The following FBXW2 variants were observed in gnomAD, a reference collection of about 807,000 sequenced individuals.
FBXW2 encodes F-box/WD repeat-containing protein 2.
FBXW2 carries 12 observed loss-of-function variants against 46.0 expected under a neutral mutation model. The ratio of observed to expected loss-of-function variants is 0.26; its 90% CI spans 0.17 to 0.42. FBXW2 has a LOEUF of 0.42. Ranked by LOEUF, FBXW2 falls within the 10% of genes least tolerant of loss-of-function variation. The probability of loss-of-function intolerance (pLI) is 1.00; values close to 1 mark genes in which losing one functional copy is unlikely to be tolerated. For missense variants in FBXW2, 360 were observed against 537.0 expected, an observed-to-expected ratio of 0.67 and a Z score of 3.26; for synonymous variants, 203 against 209.6, an observed-to-expected ratio of 0.97 and a Z score of 0.27.
chr9:120,778,616 A>G, intron 3 of FBXW2, 71 bp from the exon 4 acceptor site: 2 of 1,328,298 alleles, frequency 1.5e-6, no homozygotes, highest in Non-Finnish European at 2.1e-6. Flanking sequence ...TCCCAAAATC[A>G]TGGTGTTCTT....
chr9:120,771,365 G>A lies in FBXW2; in HGVS notation c.1059C>T (p.Ala353=), dbSNP rs764479734. 3 of 1,610,386 alleles carry A rather than the reference G, an allele frequency of 1.9e-6. No individual in the cohort carries two copies. Among genetic ancestry groups the A allele is most frequent in the Non-Finnish European group, 2.5e-6 (3 of 1,178,990 alleles). Residue 353 remains alanine, a synonymous_variant, in exon 7 of 8, where the codon GCC becomes GCT. Coordinates refer to ENST00000608872, the MANE Select transcript of FBXW2 (RefSeq NM_012164.4). ...AACATTACCTGAGAATATCATAACT[G>A]GCAAAGTCCCACTGGTAGAGACCAA... ...SALGLYQWDF[A]SYDILRVIKT...
intron 3 of FBXW2, among the ~76,000 whole-genome samples, chr9:120,781,753 T>C (rs1406942350): frequency 6.6e-6 from 1 of 151,932 alleles, no homozygotes; most frequent in Non-Finnish European, 1.5e-5. Flanking sequence ...CCGGGTGTGG[T>C]GGCTCACACC....
At chr9:120,766,437 T>C (rs1423686648) in intron 7 of FBXW2, among the ~76,000 whole-genome samples, 1 of 152,196 alleles carries the variant, frequency 6.6e-6, no homozygotes, top group Non-Finnish European at 1.5e-5. Flanking sequence ...CCGAACTTCA[T>C]AATTAACATG....
intron 2 of FBXW2, among the ~76,000 whole-genome samples, chr9:120,789,785 CA>C (rs1390183160): frequency 6.6e-6 from 1 of 152,132 alleles, no homozygotes; most frequent in African/African-American, 2.4e-5. Flanking sequence ...TCAAATTTGG[CA>C]ATAACATTCT....
rs982128382 is a variant in FBXW2, at chr9:120,758,844, T to C, written c.*5715A>G. The stretch of plus-strand genomic sequence containing the variant: ...AGAACTCATGCAAAGATGTGCTGGA[T>C]AGACACATCCTTGGGCAAAAGAGAG... On this transcript the variant is annotated 3_prime_UTR_variant, in exon 8 of 8. Coordinates refer to ENST00000608872, the MANE Select transcript of FBXW2 (RefSeq NM_012164.4). The C allele has an allele frequency of 2.6e-5, 4 of 152,226 alleles. No homozygotes were observed. Among genetic ancestry groups the C allele is most frequent in the South Asian group, 2.1e-4 (1 of 4,834 alleles). 9.4% of individuals were successfully genotyped at this position (152,226 alleles called of 1,614,324 possible).
intron 2 of FBXW2, among the ~76,000 whole-genome samples, chr9:120,788,490 A>T (rs1434781944): frequency 6.6e-6 from 1 of 152,254 alleles, no homozygotes; most frequent in East Asian, 1.9e-4. Flanking sequence ...ATACTTTAAC[A>T]AATCATGAAT....
At chr9:120,771,572 T>C (rs2044375316) in intron 6 of FBXW2, 55 bp from the exon 7 acceptor site, 7 of 1,503,084 alleles carry the variant, frequency 4.7e-6, no homozygotes, top group South Asian at 1.2e-5. Flanking sequence ...ACAGAAAAGC[T>C]TGTCCTTAAA....
chr9:120,777,442 A>T (rs943898211), intron 4 of FBXW2, among the ~76,000 whole-genome samples: 3 of 152,258 alleles, frequency 2.0e-5, no homozygotes, highest in African/African-American at 4.8e-5. Flanking sequence ...AACAAGACAG[A>T]TAAGATCACT....
intron 7 of FBXW2, among the ~76,000 whole-genome samples, chr9:120,770,604 GCATTT>G (rs1224354575): frequency 6.6e-6 from 1 of 152,132 alleles, no homozygotes; most frequent in Non-Finnish European, 1.5e-5. Flanking sequence ...CTCATCACAA[GCATTT>G]CATTTAATAG....
At chr9:120,790,859 G>A (rs543291697) in intron 2 of FBXW2, among the ~76,000 whole-genome samples, 6 of 151,936 alleles carry the variant, frequency 3.9e-5, no homozygotes, top group African/African-American at 7.3e-5. Flanking sequence ...CCATGACACC[G>A]CTAAAGATTA....
intron 7 of FBXW2, among the ~76,000 whole-genome samples, chr9:120,767,847 T>C (rs558317861): frequency 1.5e-4 from 23 of 152,350 alleles, no homozygotes; most frequent in African/African-American, 4.1e-4. Context: ...TTTTATGCCC[T>C]AAATTTTTCT....
rs976755798 is a variant in FBXW2, at chr9:120,759,411, T to C, written c.*5148A>G. The C allele has an allele frequency of 6.6e-6, 1 of 152,228 alleles. No individual in the cohort carries two copies. Among genetic ancestry groups the C allele is most frequent in the Non-Finnish European group, 1.5e-5 (1 of 68,034 alleles). 9.4% of individuals were successfully genotyped at this position (152,228 alleles called of 1,614,324 possible). ...ATCTTGTTCCACAATCACCCCACTA[T>C]TTGCTTAAGCAACCTCTTCTTCCCC... On this transcript the variant is annotated 3_prime_UTR_variant, in exon 8 of 8. Transcript: ENST00000608872.
At chr9:120,787,607 G>A (rs888354811) in intron 3 of FBXW2, among the ~76,000 whole-genome samples, 162 bp downstream of exon 3, 4 of 152,060 alleles carry the variant, frequency 2.6e-5, no homozygotes, top group Non-Finnish European at 5.9e-5. Flanking sequence ...TAGAGAGAAG[G>A]AAGAGGATAA....
chr9:120,775,263 C>T (rs1462650864), intron 5 of FBXW2, among the ~76,000 whole-genome samples: 2 of 152,154 alleles, frequency 1.3e-5, no homozygotes, highest in Non-Finnish European at 2.9e-5. Context: ...AGGCTGGCCT[C>T]GAACTCCTGG....
At position 120,762,628 on chromosome 9, in the gene FBXW2, G is replaced by A. The variant is rs1218149945; in HGVS notation, c.*1931C>T. ...TTCTATCAACTTCACAGCACTCAGAGGTCCAGAGTCTGGCTCTATGCTAAT... is the reference window on the plus strand; with the variant it reads ...TTCTATCAACTTCACAGCACTCAGAAGTCCAGAGTCTGGCTCTATGCTAAT... On this transcript the variant is annotated 3_prime_UTR_variant, in exon 8 of 8. Coordinates refer to ENST00000608872, the MANE Select transcript of FBXW2 (RefSeq NM_012164.4). 6.6e-6 allele frequency: 1 copy of A among 152,198 alleles called. No individual in the cohort carries two copies. Among genetic ancestry groups the A allele is most frequent in the Non-Finnish European group, 1.5e-5 (1 of 68,038 alleles). The allele number at this position is 152,198 out of a possible 1,614,324, so 9.4% of individuals were successfully genotyped here. A position where few individuals can be genotyped will look rare whatever the true frequency, so the allele number is the denominator to read the frequency against.
chr9:120,768,726 G>A (rs987738189), intron 7 of FBXW2, among the ~76,000 whole-genome samples: 5 of 152,072 alleles, frequency 3.3e-5, no homozygotes, highest in Admixed American at 3.3e-4. Context: ...GGAGGCTGAG[G>A]CAGGAGAATC....
intron 5 of FBXW2, among the ~76,000 whole-genome samples, chr9:120,775,747 G>A (rs1010363603): frequency 5.9e-5 from 9 of 152,014 alleles, no homozygotes; most frequent in East Asian, 1.9e-4. Context: ...GGAAAAACAC[G>A]CCCACAATCC....
chr9:120,772,060 G>GAAAAAA lies in FBXW2; in HGVS notation c.907-549_907-544dup, dbSNP rs59520792. Among the ~76,000 whole-genome samples, 450 of 51,288 alleles carry GAAAAAA rather than the reference G, an allele frequency of 8.8e-3. 16 individuals are homozygous for GAAAAAA. Among genetic ancestry groups the GAAAAAA allele is most frequent in the African/African-American group, 0.03 (433 of 14,294 alleles). The allele number at this position is 51,288 out of a possible 152,430, so 33.6% of individuals were successfully genotyped here. The stretch of plus-strand genomic sequence containing the variant: ...GGTGACAGAGTGAGACCCTGTCTCA[G>GAAAAAA]AAAAAAAAAAAAAAAAAAAAAAAGA... On this transcript the variant is annotated intron_variant, in intron 6 of 7. Transcript: ENST00000608872.
intron 3 of FBXW2, among the ~76,000 whole-genome samples, chr9:120,782,966 T>G (rs192485549): frequency 6.6e-6 from 1 of 152,264 alleles, no homozygotes; most frequent in Admixed American, 6.5e-5. Context: ...ACCATTTTAG[T>G]TTGGGAAGAT....
Sources: gnomAD v4.1 joint callset for allele counts (sites outside exome capture counted in the v4.1 genomes callset) on GRCh38, gnomAD v4.1.1 for gene constraint, MANE v1.5 for transcripts, NCBI Gene and HGNC (gene_info 2026-07-23, HGNC 2026-07-21) for gene names.